TACR3: variants seen among roughly 807,000 people sequenced by gnomAD.
The protein encoded by TACR3 is neuromedin-K receptor.
In TACR3, 34 loss-of-function variants were observed where a neutral mutation model predicts 35.0. That is an observed-to-expected ratio of 0.97 (90% CI 0.74 to 1.30). TACR3 has a LOEUF of 1.30. Ranked by LOEUF, TACR3 falls within the 50% of genes most tolerant of loss-of-function variation. The pLI is 0.00. For missense variants in TACR3, 558 were observed against 591.7 expected (o/e 0.94, Z 0.59); for synonymous variants, 233 against 221.1 (o/e 1.05, Z -0.48).
At chr4:103,638,422 C>G (rs1373139064) in intron 3 of TACR3, among the ~76,000 whole-genome samples, 1 of 151,884 alleles carries the variant, frequency 6.6e-6, no homozygotes, top group Non-Finnish European at 1.5e-5. Flanking sequence ...TTCCTTACAC[C>G]TTATACAAAA....
chr4:103,655,886 G>T (rs1359548799), intron 3 of TACR3, among the ~76,000 whole-genome samples: 2 of 151,938 alleles, frequency 1.3e-5, no homozygotes, highest in Non-Finnish European at 2.9e-5. Context: ...AGATAGAGTT[G>T]CAAAAATACA....
intron 3 of TACR3, among the ~76,000 whole-genome samples, chr4:103,647,359 G>A (rs945036424): frequency 5.3e-5 from 8 of 151,812 alleles, no homozygotes; most frequent in Non-Finnish European, 1.0e-4. Context: ...ACAAGGATCA[G>A]TTTCCTTTTC....
intron 3 of TACR3, among the ~76,000 whole-genome samples, chr4:103,643,174 A>G (rs904682978): frequency 6.6e-6 from 1 of 151,884 alleles, no homozygotes; most frequent in Non-Finnish European, 1.5e-5. Flanking sequence ...ATTTAAACTT[A>G]CATAACTAGA....
intron 3 of TACR3, among the ~76,000 whole-genome samples, chr4:103,593,795 C>G (rs28394887): frequency 0.1 from 15,378 of 152,108 alleles, 1,376 homozygotes; most frequent in East Asian, 0.5. Context: ...GTCTGCCCTT[C>G]CAGCCCTCCC....
rs201014254 is a variant in TACR3, at chr4:103,602,825, AC to A, written c.889-11143del. Among the ~76,000 whole-genome samples the A allele has an allele frequency of 5.8e-3, 890 of 152,248 alleles. 6 individuals are homozygous for A. The highest frequency in any genetic ancestry group is 0.02 in the African/African-American group (834 of 41,562). ...CTGGAGGGTGCCTCCCATTTAGGCT[AC>A]TCGGGGGTCAGGGAGCCACTTAAGG... On this transcript the variant is annotated intron_variant, in intron 3 of 4. Transcript: ENST00000304883.
At position 103,718,884 on chromosome 4, in the gene TACR3, C is replaced by T. The variant is rs550631598; in HGVS notation, c.548+244G>A. On this transcript the variant is annotated intron_variant, in intron 1 of 4. Transcript: ENST00000304883. ...CTGTCCCTCATTCACCTTCTTCAGT[C>T]CCTCTAGATATCCTTAATAAGGCTC... Among the ~76,000 whole-genome samples the T allele has an allele frequency of 9.9e-5, 15 of 152,262 alleles. No homozygotes were observed. The South Asian group carries it at 3.1e-3, about 32-fold the overall frequency.
chr4:103,604,645 C>T (rs879828348), intron 3 of TACR3, among the ~76,000 whole-genome samples: 1 of 151,868 alleles, frequency 6.6e-6, no homozygotes, highest in Non-Finnish European at 1.5e-5. Flanking sequence ...ATCCATCTGA[C>T]AAAGGGCTAA....
intron 3 of TACR3, among the ~76,000 whole-genome samples, chr4:103,598,895 C>T (rs1035013026): frequency 2.1e-4 from 32 of 152,274 alleles, no homozygotes; most frequent in Non-Finnish European, 3.8e-4. Context: ...CATGATGCCT[C>T]CAGCTTTGTT....
chr4:103,636,411 G>A (rs1725191189), intron 3 of TACR3, among the ~76,000 whole-genome samples: 2 of 151,898 alleles, frequency 1.3e-5, no homozygotes, highest in Admixed American at 1.3e-4. Flanking sequence ...GTACTTAGAT[G>A]AATTTTGATT....
At chr4:103,711,990 A>G (rs1369048263) in intron 1 of TACR3, among the ~76,000 whole-genome samples, 1 of 152,184 alleles carries the variant, frequency 6.6e-6, no homozygotes, top group Non-Finnish European at 1.5e-5. Context: ...CAATGACATA[A>G]AAGAGGACAC....
chr4:103,654,906 ATAC>A (rs1725701139), intron 3 of TACR3, among the ~76,000 whole-genome samples: 1 of 152,072 alleles, frequency 6.6e-6, no homozygotes. Flanking sequence ...GGGGAGAGAG[ATAC>A]TGTTCATGTA....
intron 3 of TACR3, among the ~76,000 whole-genome samples, chr4:103,629,759 A>G (rs1216385833): frequency 6.6e-6 from 1 of 150,890 alleles, no homozygotes; most frequent in Non-Finnish European, 1.5e-5. Flanking sequence ...CAAGCTACCA[A>G]TGACTTTCTT....
chr4:103,592,461 A>G (rs1723916653), intron 3 of TACR3, among the ~76,000 whole-genome samples: 1 of 152,186 alleles, frequency 6.6e-6, no homozygotes, highest in Non-Finnish European at 1.5e-5. Flanking sequence ...CTCTTCCACT[A>G]GGCCTAAAAT....
intron 3 of TACR3, among the ~76,000 whole-genome samples, chr4:103,604,633 G>A (rs1002978727): frequency 1.3e-5 from 2 of 151,718 alleles, no homozygotes; most frequent in Non-Finnish European, 2.9e-5. Context: ...TTTTTGCAAT[G>A]TATCCATCTG....
chr4:103,666,909 C>T (rs1725948355), intron 1 of TACR3, among the ~76,000 whole-genome samples: 1 of 152,096 alleles, frequency 6.6e-6, no homozygotes, highest in African/African-American at 2.4e-5. Flanking sequence ...CCATAAGTAA[C>T]TTCAAAAGAG....
intron 1 of TACR3, among the ~76,000 whole-genome samples, chr4:103,665,240 C>CATATATGACTATGACTATTCATATATGT (rs541733495): frequency 0.036 from 5,325 of 148,978 alleles, 179 homozygotes; most frequent in Non-Finnish European, 0.048. Flanking sequence ...ATGTATGACT[C>CATATATGACTATGACTATTCATATATGT]ATATATGACT....
intron 3 of TACR3, among the ~76,000 whole-genome samples, chr4:103,605,674 T>TG (rs1197789246): frequency 2.0e-5 from 3 of 152,132 alleles, no homozygotes; most frequent in African/African-American, 7.2e-5. Context: ...TCGATGGGGT[T>TG]GTTTTTTTCT....
intron 1 of TACR3, among the ~76,000 whole-genome samples, chr4:103,711,449 C>A (rs1208425284): frequency 6.6e-6 from 1 of 152,176 alleles, no homozygotes; most frequent in Non-Finnish European, 1.5e-5. Flanking sequence ...AACAACACTT[C>A]ATGCTAAGAA....
intron 1 of TACR3, among the ~76,000 whole-genome samples, chr4:103,665,914 GATTT>G (rs760751357): frequency 7.9e-5 from 12 of 152,254 alleles, no homozygotes; most frequent in Non-Finnish European, 1.8e-4. Flanking sequence ...TGAACTTAGA[GATTT>G]ATGAGAGAGG....
Sources: allele counts gnomAD v4.1 joint callset (sites outside exome capture counted in the v4.1 genomes callset), GRCh38; gene constraint gnomAD v4.1.1; transcripts MANE v1.5; gene names NCBI Gene and HGNC (gene_info 2026-07-23, HGNC 2026-07-21).